SPTBN2: variants seen among roughly 807,000 people sequenced by gnomAD.
The protein encoded by SPTBN2 is spectrin beta, non-erythrocytic 2, also known as spectrin beta chain, non-erythrocytic 2.
Under a neutral mutation model 284.2 loss-of-function variants are expected in SPTBN2, and 107 were observed. The observed-to-expected ratio is 0.38, with a 90% CI of 0.32 to 0.44. SPTBN2 has a LOEUF of 0.44. SPTBN2 is among the 20% of genes least tolerant of loss of function. SPTBN2 has a pLI of 1.00. For synonymous variants in SPTBN2, 1,289 were observed against 1,354.8 expected (o/e 0.95, Z 1.07); for missense variants, 2,569 against 3,287.1 (o/e 0.78, Z 5.34).
Position 66,710,843 on chromosome 11 carries a change from C to T in SPTBN2, c.885+74G>A. On this transcript the variant is annotated intron_variant, in intron 9 of 37. Coordinates refer to ENST00000533211, the MANE Select transcript of SPTBN2 (RefSeq NM_006946.4). This position sits in a 1 kb window ranked among gnomAD's most constrained non-coding sequence, Gnocchi z 4.9. ...GGCCCAGTCCTGCAGCTCCACCCTG[C>T]CCTTGCACTAGGGCAGTAAGACCCC... 1 of 1,611,022 alleles carries T rather than the reference C, an allele frequency of 6.2e-7. No homozygotes were observed. Among genetic ancestry groups the T allele is most frequent in the Non-Finnish European group, 8.5e-7 (1 of 1,177,818 alleles).
intron 1 of SPTBN2, among the ~76,000 whole-genome samples, chr11:66,735,963 G>A (rs1942848976): frequency 6.6e-6 from 1 of 152,128 alleles, no homozygotes. Context: ...GGCTTGCTAG[G>A]GGAGCCTGAT....
At chr11:66,728,305 G>A (rs1297131835) in intron 1 of SPTBN2, 3 of 145,514 alleles carry the variant, frequency 2.1e-5, no homozygotes, top group Non-Finnish European at 4.6e-5. Context: ...CTGTCACGGG[G>A]CGCAGGCGGC....
intron 17 of SPTBN2, 140 bp from the exon 18 acceptor site, chr11:66,699,748 G>C: frequency 1.1e-6 from 1 of 876,288 alleles, no homozygotes; most frequent in Non-Finnish European, 1.9e-6. Context: ...TGAAGACAGG[G>C]AGGCTGCCAG....
chr11:66,695,080 C>T lies in SPTBN2; in HGVS notation c.4279-717G>A, dbSNP rs139024696. The stretch of plus-strand genomic sequence containing the variant: ...ATTTCCAGGCCATTCAGTGGGCCTC[C>T]GCCCTCTCCAAGGAGGTCTGAGACT... On this transcript the variant is annotated intron_variant, in intron 21 of 37. Transcript: ENST00000533211. 3.9e-4 allele frequency among the ~76,000 whole-genome samples: 60 copies of T among 152,296 alleles called. No homozygotes were observed. In the East Asian group the frequency reaches 9.6e-3, roughly 24 times the overall value.
Position 66,683,028 on chromosome 11 carries a change from A to G in SPTBN2, c.*2843T>C, listed in dbSNP as rs578110724. On this transcript the variant is annotated 3_prime_UTR_variant, in exon 38 of 38. Transcript: ENST00000533211. The stretch of plus-strand genomic sequence containing the variant: ...CTCGGCTTCCCAAAGTGCTGGGATT[A>G]TAAGCGTGAACCACCATGCCTGGCC... Among the ~76,000 whole-genome samples the G allele has an allele frequency of 6.1e-5, 9 of 147,734 alleles. No homozygotes were observed. The highest frequency in any genetic ancestry group is 1.0e-4 in the Non-Finnish European group (7 of 67,416).
At position 66,691,249 on chromosome 11, in the gene SPTBN2, T is replaced by C. The variant is rs749272371; in HGVS notation, c.5565+35A>G. 6.6e-7 allele frequency: 1 copy of C among 1,511,264 alleles called. No individual in the cohort carries two copies. Among genetic ancestry groups the C allele is most frequent in the Non-Finnish European group, 8.9e-7 (1 of 1,129,090 alleles). 93.6% of individuals were successfully genotyped at this position (1,511,264 alleles called of 1,614,324 possible). A position where few individuals can be genotyped will look rare whatever the true frequency, so the allele number is the denominator to read the frequency against. On this transcript the variant is annotated intron_variant, in intron 27 of 37. Transcript: ENST00000533211. The surrounding 1 kb of genome is among the most constrained non-coding windows in gnomAD (Gnocchi z 8.0). ...CCGGCATTTCCCCCATGGCCTCCTC[T>C]AAGCCTCCCCCACCTCCTCATGCTT...
intron 1 of SPTBN2, chr11:66,728,043 C>CACCCCGGCCGCCGGGACCCG (rs1275260761): frequency 6.7e-6 from 1 of 149,586 alleles, no homozygotes; most frequent in African/African-American, 2.4e-5. Flanking sequence ...CGCCCCGGCT[C>CACCCCGGCCGCCGGGACCCG]ACCCCGGCCG....
At chr11:66,703,175 G>GCTCAAGCAATCCTCCTGC (rs1386380899) in intron 15 of SPTBN2, among the ~76,000 whole-genome samples, 1 of 151,600 alleles carries the variant, frequency 6.6e-6, no homozygotes, top group Non-Finnish European at 1.5e-5. Context: ...CGACCTCTGG[G>GCTCAAGCAATCCTCCTGC]CTCAAGCAAT....
chr11:66,715,276 G>A lies in SPTBN2; in HGVS notation c.429C>T (p.Asp143=), dbSNP rs746671655. Residue 143 remains aspartate, a synonymous_variant, in exon 5 of 38, where the codon GAC becomes GAT. Transcript: ENST00000533211. This position sits in a 1 kb window ranked among gnomAD's most constrained non-coding sequence, Gnocchi z 5.3. ...GCCCAAGGGTCAGTCGGTGGTTTCC[G>A]TCCACAATGTCATGGGAGCCCATGT... ...LENMGSHDIV[D]GNHRLTLGLV... 3.7e-5 allele frequency: 59 copies of A among 1,614,116 alleles called. No individual in the cohort carries two copies. Among genetic ancestry groups the A allele is most frequent in the Non-Finnish European group, 4.4e-5 (52 of 1,180,052 alleles).
In SPTBN2 at chr11:66,683,113, G is replaced by T. The variant is rs1402264881; in HGVS notation, c.*2758C>A. Reference sequence around the variant, plus strand: ...GATGGAGTCTCGCTCTGTCACCCAGGCTGGAGCGCAGTGGCGGCATCTCGG... The same window carrying T: ...GATGGAGTCTCGCTCTGTCACCCAGTCTGGAGCGCAGTGGCGGCATCTCGG... On this transcript the variant is annotated 3_prime_UTR_variant, in exon 38 of 38. Transcript: ENST00000533211. Among the ~76,000 whole-genome samples the T allele has an allele frequency of 1.5e-5, 2 of 135,358 alleles. No homozygotes were observed. The highest frequency in any genetic ancestry group is 5.7e-5 in the African/African-American group (2 of 35,324). 88.8% of individuals were successfully genotyped at this position (135,358 alleles called of 152,430 possible).
intron 20 of SPTBN2, among the ~76,000 whole-genome samples, chr11:66,697,870 G>A (rs1590930466): frequency 6.6e-6 from 1 of 152,162 alleles, no homozygotes; most frequent in East Asian, 1.9e-4. Context: ...GGATATAGTA[G>A]CACCAAGTAA....
rs2135283372 is a variant in SPTBN2, at chr11:66,685,761, A to G, written c.*110T>C. 2 of 1,062,378 alleles carry G rather than the reference A, an allele frequency of 1.9e-6. No homozygotes were observed. The highest frequency in any genetic ancestry group is 2.6e-5 in the South Asian group (2 of 77,656). 65.8% of individuals were successfully genotyped at this position (1,062,378 alleles called of 1,614,324 possible). On this transcript the variant is annotated 3_prime_UTR_variant, in exon 38 of 38. Coordinates refer to ENST00000533211, the MANE Select transcript of SPTBN2 (RefSeq NM_006946.4). This position sits in a 1 kb window ranked among gnomAD's most constrained non-coding sequence, Gnocchi z 4.4. ...TTCCTGGTGATGGGTTGACCTTGGC[A>G]ACAGACCCTAGCAGCAGGCAGTTGT...
In SPTBN2 at chr11:66,707,047, C is replaced by T. The variant is rs1042873508; in HGVS notation, c.1653+469G>A. On this transcript the variant is annotated intron_variant, in intron 13 of 37. Coordinates refer to ENST00000533211, the MANE Select transcript of SPTBN2 (RefSeq NM_006946.4). The surrounding 1 kb of genome is among the most constrained non-coding windows in gnomAD (Gnocchi z 4.9). ...CCTCCCAAATCTCAGTCCATGGCCC[C>T]CACTCCTCATGCTCACAGCCCACCG... Among the ~76,000 whole-genome samples, 1 of 152,256 alleles carries T rather than the reference C, an allele frequency of 6.6e-6. No homozygotes were observed. The highest frequency in any genetic ancestry group is 2.4e-5 in the African/African-American group (1 of 41,466).
At chr11:66,695,605 G>A (rs993431999) in intron 21 of SPTBN2, among the ~76,000 whole-genome samples, 3 of 152,174 alleles carry the variant, frequency 2.0e-5, no homozygotes, top group African/African-American at 7.2e-5. Context: ...TTCCTTACAA[G>A]GGCAGAGTTG....
At chr11:66,702,029 A>C (rs898220386) in intron 15 of SPTBN2, among the ~76,000 whole-genome samples, 15 of 152,216 alleles carry the variant, frequency 9.9e-5, no homozygotes, top group African/African-American at 3.4e-4. Flanking sequence ...CCTTTATCAG[A>C]GCTGCTCAGC....
At chr11:66,692,812 C>T in intron 25 of SPTBN2, 72 bp from the exon 26 acceptor site, 2 of 1,597,344 alleles carry the variant, frequency 1.3e-6, no homozygotes, top group Non-Finnish European at 1.7e-6. Flanking sequence ...TTCTGTGGAG[C>T]CCTGTCCCTC....
chr11:66,686,662 AGCCCGG>A (rs938155161), intron 36 of SPTBN2: 4 of 643,288 alleles, frequency 6.2e-6, no homozygotes, highest in Non-Finnish European at 1.1e-5. Flanking sequence ...CTTCCACCCC[AGCCCGG>A]GCCTCCTGCT....
intron 3 of SPTBN2, among the ~76,000 whole-genome samples, chr11:66,719,793 T>G (rs935289497): frequency 6.6e-6 from 1 of 152,206 alleles, no homozygotes; most frequent in Non-Finnish European, 1.5e-5. Flanking sequence ...TTCTAGAGGC[T>G]ACATGAATCC....
rs1941657237 is a variant in SPTBN2, at chr11:66,708,006, C to CCGGA, written c.1350+131_1350+134dup. 1 of 1,484,406 alleles carries CCGGA rather than the reference C, an allele frequency of 6.7e-7. No homozygotes were observed. Among genetic ancestry groups the CCGGA allele is most frequent in the Admixed American group, 1.8e-5 (1 of 57,116 alleles). The allele number at this position is 1,484,406 out of a possible 1,614,324, so 92.0% of individuals were successfully genotyped here. ...TGTCCCACCCTCTGGCCCCTGGCTC[C>CCGGA]CGGACCTCTAGGCCTTTTTACCCAG... On this transcript the variant is annotated intron_variant, in intron 12 of 37. Transcript: ENST00000533211. This position sits in a 1 kb window ranked among gnomAD's most constrained non-coding sequence, Gnocchi z 4.4.
Sources: gnomAD v4.1 joint callset for allele counts (sites outside exome capture counted in the v4.1 genomes callset) on GRCh38, gnomAD v4.1.1 for gene constraint, Gnocchi (gnomAD v3.1) non-coding constraint, MANE v1.5 for transcripts, NCBI Gene and HGNC (gene_info 2026-07-23, HGNC 2026-07-21) for gene names.